Variants in IQSEC3 observed in about 807,000 individuals in gnomAD.
IQSEC3 encodes IQ motif and Sec7 domain ArfGEF 3.
IQSEC3 carries 50 observed loss-of-function variants against 105.4 expected under a neutral mutation model. The observed-to-expected ratio is 0.47, with a 90% CI of 0.38 to 0.60. The LOEUF (loss-of-function observed/expected upper bound fraction) is 0.60, where lower values mean the gene tolerates loss of function less well. IQSEC3 is among the 20% of genes least tolerant of loss of function. The pLI is 0.00. For missense variants in IQSEC3, 1,415 were observed against 1,630.0 expected, an observed-to-expected ratio of 0.87 and a Z score of 2.27; for synonymous variants, 708 against 746.0, an observed-to-expected ratio of 0.95 and a Z score of 0.83.
chr12:154,914 G>A (rs12301305), intron 5 of IQSEC3, among the ~76,000 whole-genome samples: 109 of 151,274 alleles, frequency 7.2e-4, no homozygotes, highest in African/African-American at 2.5e-3. Flanking sequence ...CTTGTCCTTC[G>A]CTGCCCCGCC....
intron 5 of IQSEC3, among the ~76,000 whole-genome samples, chr12:156,268 C>A (rs1395862501): frequency 6.6e-6 from 1 of 152,166 alleles, no homozygotes; most frequent in Non-Finnish European, 1.5e-5. Flanking sequence ...GGGACTCCAG[C>A]CTCCTCCCTT....
At chr12:131,114 G>A (rs1209510019) in intron 3 of IQSEC3, among the ~76,000 whole-genome samples, 1 of 142,084 alleles carries the variant, frequency 7.0e-6, no homozygotes, top group Non-Finnish European at 1.5e-5. Flanking sequence ...TCTTTCAGCG[G>A]CCTCTTCAGG....
chr12:172,198 G>A (rs1939039648), intron 13 of IQSEC3, among the ~76,000 whole-genome samples: 1 of 152,070 alleles, frequency 6.6e-6, no homozygotes, highest in Non-Finnish European at 1.5e-5. Flanking sequence ...CCCCGGGGGA[G>A]CTCAGTGTCT....
intron 13 of IQSEC3, among the ~76,000 whole-genome samples, chr12:173,121 C>T (rs954691084): frequency 6.6e-5 from 10 of 152,178 alleles, no homozygotes; most frequent in South Asian, 6.2e-4. Context: ...GAGAGGAGCC[C>T]GTGCCCTCCA....
chr12:133,751 A>G (rs539137267), intron 3 of IQSEC3, among the ~76,000 whole-genome samples: 1 of 149,012 alleles, frequency 6.7e-6, no homozygotes, highest in Admixed American at 6.7e-5. Flanking sequence ...CTGGAGGTTC[A>G]GTGTAAAATA....
chr12:89,795 G>A (rs1864025330), intron 1 of IQSEC3, among the ~76,000 whole-genome samples: 1 of 152,052 alleles, frequency 6.6e-6, no homozygotes, highest in Non-Finnish European at 1.5e-5. Context: ...TTTTATTGCT[G>A]AATAGTATTA....
intron 2 of IQSEC3, among the ~76,000 whole-genome samples, chr12:116,745 C>T (rs1865061553): frequency 6.6e-6 from 1 of 152,026 alleles, no homozygotes. Context: ...CCACGAGGCT[C>T]CCACGAGGCT....
chr12:165,392 T>C, intron 9 of IQSEC3, 42 bp from the exon 10 acceptor site: 3 of 1,474,462 alleles, frequency 2.0e-6, no homozygotes, highest in Non-Finnish European at 2.8e-6. Context: ...TGTCCGTGAG[T>C]GTCTGTTCAT....
intron 3 of IQSEC3, among the ~76,000 whole-genome samples, chr12:131,197 A>C (rs1865588000): frequency 6.6e-6 from 1 of 152,134 alleles, no homozygotes; most frequent in African/African-American, 2.4e-5. Context: ...AGAGAGACGG[A>C]GGCCCCCGCG....
At chr12:130,704 G>T (rs1329550525) in intron 3 of IQSEC3, among the ~76,000 whole-genome samples, 2 of 152,214 alleles carry the variant, frequency 1.3e-5, no homozygotes, top group African/African-American at 4.8e-5. Context: ...TCAAGCACTT[G>T]CTGTATTCCA....
chr12:92,255 T>C (rs1476300659), intron 1 of IQSEC3, among the ~76,000 whole-genome samples: 2 of 152,218 alleles, frequency 1.3e-5, no homozygotes, highest in African/African-American at 2.4e-5. Flanking sequence ...CCAGTCTCAG[T>C]TCTTGGCTTT....
At chr12:131,437 C>T (rs1168762546) in intron 3 of IQSEC3, among the ~76,000 whole-genome samples, 2 of 152,150 alleles carry the variant, frequency 1.3e-5, no homozygotes, top group African/African-American at 2.4e-5. Flanking sequence ...GGGAGGGCCT[C>T]GCTGTCATGG....
intron 1 of IQSEC3, among the ~76,000 whole-genome samples, chr12:76,932 C>G (rs1332261468): frequency 6.6e-6 from 1 of 152,260 alleles, no homozygotes; most frequent in East Asian, 1.9e-4. Context: ...CAGGAATGCA[C>G]GCCCCATCCC....
intron 13 of IQSEC3, among the ~76,000 whole-genome samples, chr12:173,875 G>C (rs1166927360): frequency 6.6e-6 from 1 of 152,164 alleles, no homozygotes; most frequent in Non-Finnish European, 1.5e-5. Flanking sequence ...CATCATCTGG[G>C]CCACCTCCTC....
chr12:125,639 C>T lies in IQSEC3; in HGVS notation c.630C>T (p.Gly210=). 1 of 1,514,546 alleles carries T rather than the reference C, an allele frequency of 6.6e-7. No individual in the cohort carries two copies. Among genetic ancestry groups the T allele is most frequent in the South Asian group, 1.3e-5 (1 of 76,630 alleles). The allele number at this position is 1,514,546 out of a possible 1,614,324, so 93.8% of individuals were successfully genotyped here. Residue 210 remains glycine, a synonymous_variant, in exon 3 of 14, where the codon GGC becomes GGT. Transcript: ENST00000538872. ...CGTTGCCTTCTGTTCACAGTGATGG[C>T]TCCTGCACCCAGGCCGGTGGGGGCA... ...ACSDLASQSD[G]SCTQAGGGME...
At chr12:173,139 C>G (rs1939096345) in intron 13 of IQSEC3, among the ~76,000 whole-genome samples, 1 of 152,188 alleles carries the variant, frequency 6.6e-6, no homozygotes, top group African/African-American at 2.4e-5. Flanking sequence ...CCAGCGGCTT[C>G]TGCCTGAGTG....
Position 99,265 on chromosome 12 carries a change from T to C in IQSEC3, c.623+51T>C, listed in dbSNP as rs1484817902. The C allele has an allele frequency of 4.6e-6, 7 of 1,536,330 alleles. No individual in the cohort carries two copies. In the African/African-American group the frequency reaches 6.8e-5, roughly 15 times the overall value. ...TCCGCATCCCCACCTTCCTTCCTGT[T>C]ACAACAAAGCACGTACCACTGCACT... is the stretch of plus-strand genomic sequence containing the variant. On this transcript the variant is annotated intron_variant, in intron 2 of 13. Coordinates refer to ENST00000538872, the MANE Select transcript of IQSEC3 (RefSeq NM_001170738.2).
chr12:109,841 G>T (rs551509874), intron 2 of IQSEC3, among the ~76,000 whole-genome samples: 1 of 151,956 alleles, frequency 6.6e-6, no homozygotes, highest in Non-Finnish European at 1.5e-5. Context: ...TCTTGCTCTC[G>T]CTCGTTTTCT....
chr12:112,502 G>T (rs1423485652), intron 2 of IQSEC3, among the ~76,000 whole-genome samples: 4 of 152,186 alleles, frequency 2.6e-5, no homozygotes, highest in Admixed American at 6.5e-5. Flanking sequence ...CTAGAAGCTT[G>T]GGATTTGGAA....
Sources: gnomAD v4.1 joint callset for allele counts (sites outside exome capture counted in the v4.1 genomes callset) on GRCh38, gnomAD v4.1.1 for gene constraint, MANE v1.5 for transcripts, NCBI Gene and HGNC (gene_info 2026-07-23, HGNC 2026-07-21) for gene names.